Variants in CPNE4 observed in about 807,000 individuals in gnomAD.
CPNE4 encodes copine-4.
A neutral mutation model predicts 67.9 loss-of-function variants in CPNE4; 25 were observed. That is an observed-to-expected ratio of 0.37 (90% CI 0.27 to 0.51). CPNE4 has a LOEUF of 0.51. CPNE4 is among the 20% of genes least tolerant of loss of function. CPNE4 has a pLI of 0.93. For missense variants in CPNE4, 464 were observed against 690.8 expected (o/e 0.67, Z 3.68); for synonymous variants, 242 against 244.9 (o/e 0.99, Z 0.11).
At chr3:131,812,425 A>G (rs867804087) in intron 2 of CPNE4, among the ~76,000 whole-genome samples, 2 of 152,190 alleles carry the variant, frequency 1.3e-5, no homozygotes, top group Admixed American at 6.5e-5. Context: ...TATCCAGTTA[A>G]GGTAGGAACC....
chr3:131,993,407 A>T (rs2073214041), intron 1 of CPNE4, among the ~76,000 whole-genome samples: 1 of 124,768 alleles, frequency 8.0e-6, no homozygotes. Flanking sequence ...AAATATTATT[A>T]CTTAAAACTA....
intron 2 of CPNE4, among the ~76,000 whole-genome samples, chr3:131,846,434 T>C (rs879470804): frequency 2.0e-5 from 3 of 152,200 alleles, no homozygotes; most frequent in Admixed American, 6.5e-5. Flanking sequence ...CTGTGCTTTA[T>C]TGTCAGAACT....
At chr3:131,610,316 C>A (rs1199814406) in intron 7 of CPNE4, among the ~76,000 whole-genome samples, 2 of 152,128 alleles carry the variant, frequency 1.3e-5, no homozygotes, top group Non-Finnish European at 2.9e-5. Flanking sequence ...CTACAGGAAC[C>A]CTTTGCAGGG....
At chr3:131,848,387 C>T (rs1310070672) in intron 2 of CPNE4, among the ~76,000 whole-genome samples, 1 of 152,146 alleles carries the variant, frequency 6.6e-6, no homozygotes, top group Non-Finnish European at 1.5e-5. Flanking sequence ...TATCTCATCA[C>T]ACTAGTCCCC....
At chr3:131,840,703 T>A (rs1427727823) in intron 2 of CPNE4, among the ~76,000 whole-genome samples, 2 of 152,192 alleles carry the variant, frequency 1.3e-5, no homozygotes, top group African/African-American at 4.8e-5. Flanking sequence ...TATAGGCTTC[T>A]AGAATACGAA....
intron 2 of CPNE4, among the ~76,000 whole-genome samples, chr3:131,865,924 G>A (rs1217375919): frequency 6.6e-6 from 1 of 152,164 alleles, no homozygotes; most frequent in Non-Finnish European, 1.5e-5. Context: ...ATGGGGAGCT[G>A]TAAATAGACC....
chr3:131,958,244 C>G (rs536181100), intron 1 of CPNE4, among the ~76,000 whole-genome samples: 161 of 152,170 alleles, frequency 1.1e-3, no homozygotes, highest in Non-Finnish European at 1.8e-3. Flanking sequence ...CAATAAATAG[C>G]TCAGAGATAA....
At chr3:132,033,382 AGTGTGTGAGTGTGTGTGTGTGTCTGT>A (rs1328826164) in intron 1 of CPNE4, among the ~76,000 whole-genome samples, 6 of 130,416 alleles carry the variant, frequency 4.6e-5, no homozygotes, top group Admixed American at 3.2e-4. Flanking sequence ...ATCCTGTGAG[AGTGTGTGAGTGTGTGTGTGTGTCTGT>A]GTGTGTGTGT....
chr3:131,915,819 G>A (rs2089161209), intron 1 of CPNE4, among the ~76,000 whole-genome samples: 1 of 152,106 alleles, frequency 6.6e-6, no homozygotes, highest in Admixed American at 6.5e-5. Context: ...ATACATTGAT[G>A]TTCTTAGGAA....
At chr3:131,576,020 G>T (rs1937539797) in intron 9 of CPNE4, among the ~76,000 whole-genome samples, 2 of 152,104 alleles carry the variant, frequency 1.3e-5, no homozygotes, top group African/African-American at 4.8e-5. Context: ...CTATGCACTA[G>T]ATTCTAGGAC....
intron 2 of CPNE4, among the ~76,000 whole-genome samples, chr3:131,864,607 C>A (rs1293959148): frequency 7.5e-6 from 1 of 133,870 alleles, no homozygotes; most frequent in African/African-American, 3.0e-5. Flanking sequence ...AGATTTTGGG[C>A]TGAGATGATG....
intron 6 of CPNE4, among the ~76,000 whole-genome samples, chr3:131,681,789 G>C (rs2080764279): frequency 6.6e-6 from 1 of 151,854 alleles, no homozygotes; most frequent in Admixed American, 6.6e-5. Context: ...CTATTTTCCT[G>C]ATCTTGTAGG....
chr3:131,944,587 C>A (rs1162784654), intron 1 of CPNE4, among the ~76,000 whole-genome samples: 4 of 152,002 alleles, frequency 2.6e-5, no homozygotes, highest in Non-Finnish European at 5.9e-5. Flanking sequence ...TGAGGAGCAG[C>A]TGCTATTCCT....
chr3:131,767,290 T>C (rs534169109), intron 2 of CPNE4, among the ~76,000 whole-genome samples: 1 of 148,952 alleles, frequency 6.7e-6, no homozygotes, highest in Admixed American at 6.7e-5. Flanking sequence ...TGTACTGTAT[T>C]TAGATATTTA....
intron 1 of CPNE4, among the ~76,000 whole-genome samples, chr3:132,030,624 C>A (rs1027077421): frequency 1.2e-4 from 18 of 152,146 alleles, no homozygotes; most frequent in African/African-American, 4.1e-4. Flanking sequence ...ATTTACTGAG[C>A]TAAAAGCTGA....
At chr3:131,767,345 A>G (rs1392194179) in intron 2 of CPNE4, among the ~76,000 whole-genome samples, 2 of 152,136 alleles carry the variant, frequency 1.3e-5, no homozygotes, top group African/African-American at 4.8e-5. Context: ...TCTAGGAGGG[A>G]CAAACCATAT....
intron 2 of CPNE4, among the ~76,000 whole-genome samples, chr3:131,829,415 G>T (rs766893921): frequency 3.9e-5 from 6 of 152,140 alleles, no homozygotes; most frequent in Non-Finnish European, 8.8e-5. Context: ...TCATTCACTA[G>T]TAATGTCACA....
chr3:131,750,652 A>G (rs769097281), intron 2 of CPNE4, among the ~76,000 whole-genome samples: 2 of 152,148 alleles, frequency 1.3e-5, no homozygotes, highest in Non-Finnish European at 2.9e-5. Flanking sequence ...CACATCATAC[A>G]GTGTTACAAT....
intron 2 of CPNE4, among the ~76,000 whole-genome samples, chr3:131,892,217 A>T (rs1246107193): frequency 6.6e-6 from 1 of 152,128 alleles, no homozygotes; most frequent in Admixed American, 6.5e-5. Context: ...CAGTTTGCAG[A>T]GTATCCAATA....
Sources: gnomAD v4.1 joint callset for allele counts (sites outside exome capture counted in the v4.1 genomes callset) on GRCh38, gnomAD v4.1.1 for gene constraint, MANE v1.5 for transcripts, NCBI Gene and HGNC (gene_info 2026-07-23, HGNC 2026-07-21) for gene names.